The following NCAPG2 variants were observed in gnomAD, a reference collection of about 807,000 sequenced individuals.
The protein encoded by NCAPG2 is non-SMC condensin II complex subunit G2, also known as condensin-2 complex subunit G2.
A neutral mutation model predicts 141.1 loss-of-function variants in NCAPG2; 53 were observed. That is an observed-to-expected ratio of 0.38 (90% confidence interval 0.30 to 0.47). The LOEUF (loss-of-function observed/expected upper bound fraction) is 0.47. NCAPG2 is among the 20% of genes least tolerant of loss of function. NCAPG2 has a pLI of 0.99. For synonymous variants in NCAPG2, 499 were observed against 490.7 expected (o/e 1.02, Z -0.22); for missense variants, 1,087 against 1,389.0 (o/e 0.78, Z 3.46).
intron 27 of NCAPG2, among the ~76,000 whole-genome samples, chr7:158,637,555 G>A (rs1830351283): frequency 2.0e-5 from 3 of 152,300 alleles, no homozygotes; most frequent in Non-Finnish European, 2.9e-5. Flanking sequence ...GGACTCAAGA[G>A]AGTAGGCTTT....
At chr7:158,699,834 T>C (rs986611860) in intron 2 of NCAPG2, among the ~76,000 whole-genome samples, 6 of 152,228 alleles carry the variant, frequency 3.9e-5, no homozygotes, top group Admixed American at 1.3e-4. Flanking sequence ...AAAATTATGC[T>C]ACTGTTTTAT....
In NCAPG2 at chr7:158,654,958, C is replaced by T. The variant is rs539750893; in HGVS notation, c.2646+160G>A. Reference sequence around the variant, plus strand: ...AATTACACTGAAAGTATGCAGTTTACGCTTTGCAAAAAGATAAACTAGAAA... The same window carrying T: ...AATTACACTGAAAGTATGCAGTTTATGCTTTGCAAAAAGATAAACTAGAAA... On this transcript the variant is annotated intron_variant, in intron 21 of 27. Coordinates refer to ENST00000356309, the MANE Select transcript of NCAPG2 (RefSeq NM_017760.7). Among the ~76,000 whole-genome samples, 9 of 151,682 alleles carry T rather than the reference C, an allele frequency of 5.9e-5. No individual in the cohort carries two copies. The East Asian group carries it at 7.7e-4, about 13-fold the overall frequency.
At chr7:158,652,139 T>C (rs1008827263) in intron 23 of NCAPG2, among the ~76,000 whole-genome samples, 154 bp downstream of exon 23, 9 of 152,076 alleles carry the variant, frequency 5.9e-5, no homozygotes, top group Non-Finnish European at 1.0e-4. Flanking sequence ...ACGGACTCCA[T>C]CTCTCTCAGT....
chr7:158,667,258 C>G, intron 13 of NCAPG2: 1 of 980,334 alleles, frequency 1.0e-6, no homozygotes, highest in Non-Finnish European at 1.2e-6. Flanking sequence ...GGGCCAGAGA[C>G]CCTGTGTCCC....
At chr7:158,676,266 T>C (rs1326572243) in intron 11 of NCAPG2, among the ~76,000 whole-genome samples, 1 of 152,224 alleles carries the variant, frequency 6.6e-6, no homozygotes, top group Non-Finnish European at 1.5e-5. Flanking sequence ...GAATGGGTTC[T>C]ATAAAATCCA....
chr7:158,660,295 G>A (rs1832379387), intron 16 of NCAPG2, among the ~76,000 whole-genome samples: 1 of 151,392 alleles, frequency 6.6e-6, no homozygotes, highest in African/African-American at 2.4e-5. Flanking sequence ...AATACCCCAA[G>A]GCCACAACTG....
chr7:158,680,081 C>T lies in NCAPG2; in HGVS notation c.1025G>A (p.Arg342Lys). The change falls in exon 11 of 28, where the codon AGA becomes AAA. Residue 342 changes from arginine to lysine, a missense_variant. By Grantham distance (26) the Arg-to-Lys change is conservative (BLOSUM62 2). Transcript: ENST00000356309. ...AGCATTTGATCGAACTTCAGAGTTT[C>T]TGGCCTATAATAATAAAAGAAGAGT... is the stretch of plus-strand genomic sequence containing the variant. ...KPILWRGLKARNSEVRSNAAL... is the reference protein window; with the variant it reads ...KPILWRGLKAKNSEVRSNAAL... 6.2e-7 allele frequency: 1 copy of T among 1,613,680 alleles called. No homozygotes were observed. The highest frequency in any genetic ancestry group is 8.5e-7 in the Non-Finnish European group (1 of 1,179,754).
rs762750830 is a variant in NCAPG2 at position 158,683,282 on chromosome 7, A to G, written c.924+18T>C. 3.4e-6 allele frequency: 5 copies of G among 1,490,984 alleles called. No individual in the cohort carries two copies. The highest frequency in any genetic ancestry group is 1.3e-5 in the South Asian group (1 of 76,862). 92.4% of individuals were successfully genotyped at this position (1,490,984 alleles called of 1,614,324 possible). ...CAGAGGAAACATTATTTCAAAAACA[A>G]TCTGTTCACAATCTTACCTCCCGCA... On this transcript the variant is annotated intron_variant, in intron 9 of 27. Transcript: ENST00000356309.
At chr7:158,643,216 G>A (rs973729527) in intron 27 of NCAPG2, among the ~76,000 whole-genome samples, 6 of 151,972 alleles carry the variant, frequency 3.9e-5, no homozygotes, top group African/African-American at 1.4e-4. Context: ...CACCCACCTC[G>A]GCCTCCCAAA....
At chr7:158,688,643 T>G (rs769347149) in intron 6 of NCAPG2, among the ~76,000 whole-genome samples, 3 of 152,218 alleles carry the variant, frequency 2.0e-5, no homozygotes, top group Non-Finnish European at 4.4e-5. Context: ...TTGATACATA[T>G]TACCTCATCT....
At chr7:158,701,029 G>A (rs1044764246) in intron 2 of NCAPG2, among the ~76,000 whole-genome samples, 1 of 152,206 alleles carries the variant, frequency 6.6e-6, no homozygotes, top group Admixed American at 6.5e-5. Context: ...ATCCGCTGGT[G>A]CACATCCCAC....
intron 27 of NCAPG2, chr7:158,640,092 C>T (rs1830541825): frequency 6.8e-6 from 1 of 147,310 alleles, no homozygotes; most frequent in Non-Finnish European, 1.5e-5. Context: ...TACACCTAGG[C>T]ATATCATATT....
intron 2 of NCAPG2, chr7:158,696,548 A>C (rs1441829460): frequency 6.6e-6 from 1 of 152,274 alleles, no homozygotes; most frequent in Non-Finnish European, 1.5e-5. Flanking sequence ...CAACTGACTC[A>C]AGTGATTCAA....
intron 13 of NCAPG2, among the ~76,000 whole-genome samples, chr7:158,670,059 C>T (rs927176628): frequency 3.3e-5 from 5 of 152,124 alleles, no homozygotes; most frequent in Admixed American, 6.5e-5. Context: ...ACAGAATAAA[C>T]GGATCAACAC....
chr7:158,699,330 T>A (rs760089174), intron 2 of NCAPG2, among the ~76,000 whole-genome samples: 2 of 152,174 alleles, frequency 1.3e-5, no homozygotes, highest in Non-Finnish European at 2.9e-5. Context: ...TCAGCTCCAC[T>A]CTGGAACACT....
chr7:158,656,231 A>G lies in NCAPG2; in HGVS notation c.2388+29T>C, dbSNP rs746754728. 4.4e-6 allele frequency: 7 copies of G among 1,607,340 alleles called. No individual in the cohort carries two copies. In the Admixed American group the frequency reaches 8.5e-5, roughly 19 times the overall value. ...TTTGTCACCCCCACAATCATAGGAA[A>G]CCACTCAACTCTCAGGGCACAGAGT... is the stretch of plus-strand genomic sequence containing the variant. On this transcript the variant is annotated intron_variant, in intron 19 of 27. Transcript: ENST00000356309.
chr7:158,671,363 G>GA, intron 13 of NCAPG2, 151 bp downstream of exon 13: 1 of 1,053,374 alleles, frequency 9.5e-7, no homozygotes. Flanking sequence ...AACCTTTGAT[G>GA]AAAAACACAA....
At chr7:158,636,387 A>G (rs968213494) in intron 27 of NCAPG2, among the ~76,000 whole-genome samples, 8 of 149,640 alleles carry the variant, frequency 5.3e-5, no homozygotes, top group African/African-American at 1.7e-4. Flanking sequence ...CCTTGGCAAC[A>G]TTATTTCTTT....
chr7:158,685,973 C>A (rs574958765), intron 8 of NCAPG2, among the ~76,000 whole-genome samples, 199 bp downstream of exon 8: 4 of 152,320 alleles, frequency 2.6e-5, no homozygotes, highest in African/African-American at 9.6e-5. Flanking sequence ...TCCCTCCCAG[C>A]TGAAAGAGCA....
Sources: gnomAD v4.1 joint callset for allele counts (sites outside exome capture counted in the v4.1 genomes callset) on GRCh38, gnomAD v4.1.1 for gene constraint, MANE v1.5 for transcripts, NCBI Gene and HGNC (gene_info 2026-07-23, HGNC 2026-07-21) for gene names.